The following RANBP9 variants were observed in gnomAD, a reference collection of about 807,000 sequenced individuals.
The protein encoded by RANBP9 is RAN binding protein 9, also known as ran-binding protein 9.
Under a neutral mutation model 84.3 loss-of-function variants are expected in RANBP9, and 15 were observed. That is an observed-to-expected ratio of 0.18 (90% CI 0.12 to 0.27). The LOEUF (loss-of-function observed/expected upper bound fraction) is 0.27. Ranked by LOEUF, RANBP9 falls within the 10% of genes least tolerant of loss-of-function variation. RANBP9 has a pLI of 1.00. For synonymous variants in RANBP9, 392 were observed against 349.6 expected (o/e 1.12, Z -1.35); for missense variants, 809 against 912.8 (o/e 0.89, Z 1.46).
Position 13,710,928 on chromosome 6 carries a change from C to T in RANBP9, c.571+7G>A. 1 of 1,600,800 alleles carries T rather than the reference C, an allele frequency of 6.2e-7. No individual in the cohort carries two copies. Among genetic ancestry groups the T allele is most frequent in the Non-Finnish European group, 8.5e-7 (1 of 1,174,312 alleles). ...CCCACTCCCACCGCAGGACACACGC[C>T]CAGTACCTTTGTAGTGCACCCGCAG... is the stretch of plus-strand genomic sequence containing the variant. On this transcript the variant is annotated splice_region_variant and intron_variant, in intron 1 of 13. Coordinates refer to ENST00000011619, the MANE Select transcript of RANBP9 (RefSeq NM_005493.3).
intron 1 of RANBP9, among the ~76,000 whole-genome samples, chr6:13,705,001 CCT>C (rs1245926591): frequency 2.0e-5 from 3 of 152,166 alleles, no homozygotes; most frequent in Admixed American, 6.5e-5. Flanking sequence ...ATCTTCTCCA[CCT>C]CTGAGTGTCC....
chr6:13,705,519 C>A (rs895807283), intron 1 of RANBP9, among the ~76,000 whole-genome samples: 2 of 149,758 alleles, frequency 1.3e-5, no homozygotes, highest in African/African-American at 4.9e-5. Flanking sequence ...ATTTTTAAAC[C>A]TAATTTCCCA....
chr6:13,670,972 T>C (rs1198145367), intron 2 of RANBP9, among the ~76,000 whole-genome samples: 1 of 152,158 alleles, frequency 6.6e-6, no homozygotes, highest in East Asian at 1.9e-4. Flanking sequence ...AAAGAACTCT[T>C]ACAGCTCAAT....
chr6:13,654,698 G>A (rs1765362776), intron 4 of RANBP9, among the ~76,000 whole-genome samples: 1 of 152,180 alleles, frequency 6.6e-6, no homozygotes, highest in Non-Finnish European at 1.5e-5. Flanking sequence ...ACTGTAACAG[G>A]AAAGCAACCA....
chr6:13,647,057 C>T (rs1466812028), intron 5 of RANBP9, among the ~76,000 whole-genome samples: 2 of 152,090 alleles, frequency 1.3e-5, no homozygotes, highest in Admixed American at 1.3e-4. Context: ...GGGAAATAAC[C>T]CTTTCATCTA....
At chr6:13,648,289 A>G (rs902825225) in intron 5 of RANBP9, among the ~76,000 whole-genome samples, 6 of 151,882 alleles carry the variant, frequency 4.0e-5, no homozygotes, top group African/African-American at 1.5e-4. Context: ...ATGGGACTAC[A>G]GCCACATGCC....
chr6:13,685,966 TAA>T, intron 2 of RANBP9, among the ~76,000 whole-genome samples: 1 of 151,082 alleles, frequency 6.6e-6, no homozygotes, highest in South Asian at 2.1e-4. Context: ...GCTTAAAATA[TAA>T]GTGTATATAT....
rs1764477084 is a variant in RANBP9, at chr6:13,622,405, A to G, written c.2147T>C (p.Ile716Thr). Residue 716 changes from isoleucine (I) to threonine (T), a missense_variant, in exon 14 of 14, where the codon ATT becomes ACT. By Grantham distance (89) the Ile-to-Thr change is moderately conservative. Around this residue, in one of 5 missense-constraint regions of RANBP9, gnomAD observed 233 missense variants for 234.4 expected, o/e 0.99. Transcript: ENST00000011619. The part of the protein sequence containing the change: ...QCLGLMARSG[I>T]GSCAFATVED... ...CACTGTGGCAAATGCGCAGGATCCA[A>G]TTCCTGATCGAGCCATCAGTCCTAG... is the stretch of plus-strand genomic sequence containing the variant. The G allele has an allele frequency of 1.2e-6, 2 of 1,601,168 alleles. No individual in the cohort carries two copies. Among genetic ancestry groups the G allele is most frequent in the Middle Eastern group, 3.3e-4 (2 of 6,012 alleles).
intron 2 of RANBP9, among the ~76,000 whole-genome samples, chr6:13,669,959 TC>T (rs1562312307): frequency 6.6e-6 from 1 of 151,900 alleles, no homozygotes; most frequent in Admixed American, 6.6e-5. Flanking sequence ...TTTTTTTTTT[TC>T]AACAAATGGT....
At chr6:13,644,891 T>G (rs1276075700) in intron 5 of RANBP9, among the ~76,000 whole-genome samples, 162 bp from the exon 6 acceptor site, 1 of 152,186 alleles carries the variant, frequency 6.6e-6, no homozygotes, top group South Asian at 2.1e-4. Flanking sequence ...AAATACATTA[T>G]ATGTTAGATG....
At chr6:13,639,830 A>C (rs1765022223) in intron 8 of RANBP9, 77 bp from the exon 9 acceptor site, 2 of 1,252,218 alleles carry the variant, frequency 1.6e-6, no homozygotes, top group Non-Finnish European at 2.2e-6. Context: ...ATTTCTAAAA[A>C]TATTTTTAAA....
chr6:13,639,785 C>T lies in RANBP9; in HGVS notation c.1335-32G>A, dbSNP rs1247303978. Reference sequence around the variant, plus strand: ...GAGAAAAGAAAAATTTACTTAGACACAATCTTCAAATGGCCTTTTATTTAA... The same window carrying T: ...GAGAAAAGAAAAATTTACTTAGACATAATCTTCAAATGGCCTTTTATTTAA... On this transcript the variant is annotated intron_variant, in intron 8 of 13. Transcript: ENST00000011619. 5.8e-6 allele frequency: 9 copies of T among 1,542,028 alleles called. No individual in the cohort carries two copies. In the Middle Eastern group the frequency reaches 5.2e-4, roughly 89 times the overall value.
chr6:13,636,074 C>G (rs775736617), intron 10 of RANBP9, among the ~76,000 whole-genome samples: 7 of 152,108 alleles, frequency 4.6e-5, no homozygotes, highest in Non-Finnish European at 7.4e-5. Context: ...CCTGGAAGAA[C>G]TGACATCTGA....
At chr6:13,625,203 G>A (rs1214543724) in intron 13 of RANBP9, among the ~76,000 whole-genome samples, 1 of 152,080 alleles carries the variant, frequency 6.6e-6, no homozygotes, top group Non-Finnish European at 1.5e-5. Context: ...AACGTTCTCC[G>A]ATTCCTTCTA....
At chr6:13,652,271 T>C (rs1020954955) in intron 5 of RANBP9, among the ~76,000 whole-genome samples, 1 of 152,206 alleles carries the variant, frequency 6.6e-6, no homozygotes, top group Admixed American at 6.5e-5. Flanking sequence ...TACTACCTGT[T>C]GAATAATATA....
chr6:13,690,429 A>G (rs1766296772), intron 2 of RANBP9, among the ~76,000 whole-genome samples: 1 of 152,196 alleles, frequency 6.6e-6, no homozygotes, highest in African/African-American at 2.4e-5. Context: ...TTTCAAAGCT[A>G]GACAGGAAGA....
chr6:13,688,681 A>AT (rs79129336), intron 2 of RANBP9, among the ~76,000 whole-genome samples: 50 of 147,220 alleles, frequency 3.4e-4, no homozygotes, highest in East Asian at 9.9e-4. Flanking sequence ...TCCTCCTGTT[A>AT]TTTTTTTTTT....
chr6:13,657,363 C>T lies in RANBP9; in HGVS notation c.737-87G>A, dbSNP rs1450227830. 45 of 1,145,366 alleles carry T rather than the reference C, an allele frequency of 3.9e-5. 1 individual carries two copies. The South Asian group carries it at 6.0e-4, about 15-fold the overall frequency. The allele number at this position is 1,145,366 out of a possible 1,614,324, so 71.0% of individuals were successfully genotyped here. On this transcript the variant is annotated intron_variant, in intron 3 of 13. Coordinates refer to ENST00000011619, the MANE Select transcript of RANBP9 (RefSeq NM_005493.3). ...TCACTAAGATTATGATAAATCAGAA[C>T]AGTACAAGATAATATAAAGATGAAA...
Position 13,711,810 on chromosome 6 carries a change from CGCGGCCGCT to C in RANBP9, c.-314_-306del, listed in dbSNP as rs1192504639. Among the ~76,000 whole-genome samples the C allele has an allele frequency of 2.1e-5, 3 of 145,932 alleles. No homozygotes were observed. The highest frequency in any genetic ancestry group is 3.0e-5 in the Non-Finnish European group (2 of 65,666). On this transcript the variant is annotated 5_prime_UTR_variant, in exon 1 of 14. Coordinates refer to ENST00000011619, the MANE Select transcript of RANBP9 (RefSeq NM_005493.3). ...GAGGGGAAGGCGCGCTGGCGGCCGCCGCGGCCGCTGCTCTCGCGGCTGTTTCCCGGCGGG... is the reference window on the plus strand; with the variant it reads ...GAGGGGAAGGCGCGCTGGCGGCCGCCGCTCTCGCGGCTGTTTCCCGGCGGG...
Sources: gnomAD v4.1 joint callset for allele counts (sites outside exome capture counted in the v4.1 genomes callset) on GRCh38, gnomAD v4.1.1 for gene constraint, gnomAD v4.1.1 regional missense constraint, MANE v1.5 for transcripts, NCBI Gene and HGNC (gene_info 2026-07-23, HGNC 2026-07-21) for gene names.